Variants in ADAMTSL1 observed in about 807,000 individuals in gnomAD.
ADAMTSL1 encodes ADAMTS like 1.
A neutral mutation model predicts 201.8 loss-of-function variants in ADAMTSL1; 126 were observed. That is an observed-to-expected ratio of 0.62 (90% CI 0.54 to 0.72). The LOEUF (loss-of-function observed/expected upper bound fraction) is 0.72, where lower values mean the gene tolerates loss of function less well. Ranked by LOEUF, ADAMTSL1 falls within the 30% of genes least tolerant of loss-of-function variation. The pLI is 0.00. For missense variants in ADAMTSL1, 2,679 were observed against 2,277.8 expected (o/e 1.18, Z -3.59); for synonymous variants, 1,121 against 903.4 (o/e 1.24, Z -4.32).
At chr9:18,696,174 G>A (rs1465842513) in intron 13 of ADAMTSL1, among the ~76,000 whole-genome samples, 2 of 152,204 alleles carry the variant, frequency 1.3e-5, no homozygotes, top group African/African-American at 2.4e-5. Flanking sequence ...GATTTGGACA[G>A]GGACACAAAT....
chr9:18,110,983 A>C (rs1321766145), intron 1 of ADAMTSL1, among the ~76,000 whole-genome samples: 1 of 152,200 alleles, frequency 6.6e-6, no homozygotes. Context: ...AATATGATCT[A>C]GTTTTAGCTG....
chr9:18,099,351 A>ATTTTT (rs1413522359), intron 1 of ADAMTSL1, among the ~76,000 whole-genome samples: 1 of 52,638 alleles, frequency 1.9e-5, no homozygotes, highest in Non-Finnish European at 3.8e-5. Context: ...ATATATATAT[A>ATTTTT]TATATTTTTT....
At chr9:17,931,788 G>A (rs1220214767) in intron 1 of ADAMTSL1, among the ~76,000 whole-genome samples, 3 of 152,118 alleles carry the variant, frequency 2.0e-5, no homozygotes, top group African/African-American at 7.2e-5. Context: ...AATAGGATTA[G>A]CAAGGAGGTT....
At chr9:18,219,407 C>T (rs71506864) in intron 2 of ADAMTSL1, among the ~76,000 whole-genome samples, 145 of 151,744 alleles carry the variant, frequency 9.6e-4, no homozygotes, top group Middle Eastern at 3.4e-3. Context: ...GTTGCTCTGT[C>T]GCCCAGGCTG....
intron 2 of ADAMTSL1, among the ~76,000 whole-genome samples, chr9:18,455,733 T>C (rs1005653549): frequency 6.6e-6 from 1 of 152,078 alleles, no homozygotes; most frequent in Non-Finnish European, 1.5e-5. Flanking sequence ...CCCAATCTAA[T>C]AAAAGTTGCC....
At chr9:18,089,021 T>A (rs1823890510) in intron 1 of ADAMTSL1, among the ~76,000 whole-genome samples, 1 of 152,138 alleles carries the variant, frequency 6.6e-6, no homozygotes. Flanking sequence ...ACACAAAATG[T>A]GGTATATATA....
chr9:18,308,534 C>G (rs1018645374), intron 2 of ADAMTSL1, among the ~76,000 whole-genome samples: 1 of 152,114 alleles, frequency 6.6e-6, no homozygotes, highest in Non-Finnish European at 1.5e-5. Flanking sequence ...GAAATACAAA[C>G]TACCATCAGA....
Position 18,616,626 on chromosome 9 carries a change from G to C in ADAMTSL1, c.475-5617G>C, listed in dbSNP as rs78730800. 7.0e-3 allele frequency among the ~76,000 whole-genome samples: 1,061 copies of C among 152,156 alleles called. 12 individuals carry two copies. The highest frequency in any genetic ancestry group is 0.024 in the African/African-American group (1,017 of 41,538). ...AGTAGATTCTCTGACTCTTACAACT[G>C]CTTATGTGTTCCTATTTTCTAGGAA... On this transcript the variant is annotated intron_variant, in intron 4 of 28. Coordinates refer to ENST00000380548, the MANE Select transcript of ADAMTSL1 (RefSeq NM_001040272.6).
intron 1 of ADAMTSL1, among the ~76,000 whole-genome samples, chr9:18,018,039 G>T (rs1299710679): frequency 6.6e-6 from 1 of 152,022 alleles, no homozygotes; most frequent in Non-Finnish European, 1.5e-5. Flanking sequence ...TTTTGGTACA[G>T]CTCTCATGCT....
chr9:18,228,447 G>T (rs1428994778), intron 2 of ADAMTSL1, among the ~76,000 whole-genome samples: 1 of 152,044 alleles, frequency 6.6e-6, no homozygotes, highest in African/African-American at 2.4e-5. Flanking sequence ...GATTGACAGG[G>T]TTTTGCTTTG....
intron 1 of ADAMTSL1, among the ~76,000 whole-genome samples, chr9:18,475,267 T>TA: frequency 6.6e-6 from 1 of 152,254 alleles, no homozygotes; most frequent in African/African-American, 2.4e-5. Context: ...GAGAACAAGG[T>TA]AAAAATGTAG....
chr9:18,128,942 C>T (rs538380777), intron 1 of ADAMTSL1, among the ~76,000 whole-genome samples: 1 of 152,138 alleles, frequency 6.6e-6, no homozygotes, highest in South Asian at 2.1e-4. Flanking sequence ...CTATATTTTG[C>T]ATGCATTATA....
chr9:18,158,893 G>A (rs1443715185), intron 1 of ADAMTSL1, among the ~76,000 whole-genome samples: 1 of 151,772 alleles, frequency 6.6e-6, no homozygotes, highest in Non-Finnish European at 1.5e-5. Context: ...ACTAGATTTG[G>A]GCTCTTCAGA....
intron 1 of ADAMTSL1, among the ~76,000 whole-genome samples, chr9:18,138,537 C>T (rs571228218): frequency 7.2e-5 from 11 of 152,084 alleles, no homozygotes; most frequent in African/African-American, 1.2e-4. Context: ...AGCTGGTGTG[C>T]GGCCATGGCT....
chr9:18,308,371 C>G (rs144302212), intron 2 of ADAMTSL1, among the ~76,000 whole-genome samples: 1 of 151,918 alleles, frequency 6.6e-6, no homozygotes, highest in African/African-American at 2.4e-5. Flanking sequence ...GATAGAGACA[C>G]GAAAAACCCT....
intron 1 of ADAMTSL1, among the ~76,000 whole-genome samples, chr9:18,029,188 A>G (rs535119540): frequency 3.3e-5 from 5 of 152,264 alleles, no homozygotes; most frequent in Admixed American, 1.3e-4. Flanking sequence ...TTCTAGATAT[A>G]CAATCATGTC....
At chr9:18,519,391 C>G (rs573719120) in intron 2 of ADAMTSL1, among the ~76,000 whole-genome samples, 2 of 152,322 alleles carry the variant, frequency 1.3e-5, no homozygotes, top group South Asian at 4.1e-4. Flanking sequence ...CGCAAAGTCT[C>G]CTTTCTCCCA....
At chr9:18,223,824 G>A (rs912572725) in intron 2 of ADAMTSL1, among the ~76,000 whole-genome samples, 2 of 151,390 alleles carry the variant, frequency 1.3e-5, no homozygotes, top group Non-Finnish European at 2.9e-5. Context: ...TTTTTTAATT[G>A]TGAATACATT....
At chr9:18,119,623 T>A (rs1409400449) in intron 1 of ADAMTSL1, among the ~76,000 whole-genome samples, 1 of 152,108 alleles carries the variant, frequency 6.6e-6, no homozygotes, top group East Asian at 1.9e-4. Flanking sequence ...TTCTTTAGTA[T>A]GATGTACTAC....
Sources: allele counts gnomAD v4.1 joint callset (sites outside exome capture counted in the v4.1 genomes callset), GRCh38; gene constraint gnomAD v4.1.1; transcripts MANE v1.5; gene names NCBI Gene and HGNC (gene_info 2026-07-23, HGNC 2026-07-21).